The following WRAP53 variants were observed in gnomAD, a reference collection of about 807,000 sequenced individuals.
WRAP53 encodes the protein telomerase Cajal body protein 1.
WRAP53 carries 28 observed loss-of-function variants against 56.6 expected under a neutral mutation model. The ratio of observed to expected loss-of-function variants is 0.50; its 90% CI spans 0.37 to 0.68. The LOEUF is 0.68. WRAP53 is among the 30% of genes least tolerant of loss of function. The probability of loss-of-function intolerance (pLI) is 0.00; values close to 1 mark genes in which losing one functional copy is unlikely to be tolerated. For missense variants in WRAP53, 671 were observed against 715.5 expected (o/e 0.94, Z 0.71); for synonymous variants, 283 against 283.4 (o/e 1.00, Z 0.01).
At chr17:7,689,191 A>C (rs1472309007) in intron 2 of WRAP53, 33 bp from the exon 3 acceptor site, 1 of 1,613,398 alleles carries the variant, frequency 6.2e-7, no homozygotes. Flanking sequence ...TTGCTTGGCG[A>C]CCCAGGTTTA....
intron 4 of WRAP53, among the ~76,000 whole-genome samples, chr17:7,700,485 TA>T (rs374902947): frequency 3.0e-4 from 42 of 141,162 alleles, no homozygotes; most frequent in African/African-American, 4.1e-4. Context: ...CTGTCTCTAT[TA>T]AAAAAAAAAA....
At chr17:7,691,392 GTT>G (rs1196160781) in intron 4 of WRAP53, among the ~76,000 whole-genome samples, 7 of 138,966 alleles carry the variant, frequency 5.0e-5, no homozygotes, top group Admixed American at 7.2e-5. Context: ...TGAGAGAGGT[GTT>G]TTTTTTTTTT....
rs910811993 is a variant in WRAP53 at position 7,702,945 on chromosome 17, G to A, written c.1269-48G>A. On this transcript the variant is annotated intron_variant, in intron 9 of 10. Coordinates refer to ENST00000396463, the MANE Select transcript of WRAP53 (RefSeq NM_001143992.2). This position sits in a 1 kb window ranked among gnomAD's most constrained non-coding sequence, Gnocchi z 5.0. The stretch of plus-strand genomic sequence containing the variant: ...CAGTCCCTGGGTGTGAGGGGTTCCT[G>A]CCCCAGGGGTGAGGCCTCTGCCAGC... 6.2e-7 allele frequency: 1 copy of A among 1,612,840 alleles called. No individual in the cohort carries two copies. The highest frequency in any genetic ancestry group is 2.2e-5 in the East Asian group (1 of 44,882).
chr17:7,691,700 A>G (rs1180604962), intron 4 of WRAP53, among the ~76,000 whole-genome samples: 1 of 148,516 alleles, frequency 6.7e-6, no homozygotes, highest in Non-Finnish European at 1.5e-5. Flanking sequence ...TAATTTTTGT[A>G]TTTTTAGTAG....
chr17:7,686,642 TCCGGCAAAAAGAAA>T (rs930670150), upstream of WRAP53: 1 of 152,230 alleles, frequency 6.6e-6, no homozygotes, highest in African/African-American at 2.4e-5. Flanking sequence ...AGTGAGCTGC[TCCGGCAAAAAGAAA>T]CCGGAAATGC....
rs375280065 is a variant in WRAP53 at position 7,701,694 on chromosome 17, C to T, written c.860C>T (p.Pro287Leu). ...LTAAHSLCFS[P>L]DGSQLFCGFN... ...GCAGCCCATTCGCTCTGCTTCTCCC[C>T]GGATGGCTCCCAGCTCTTCTGTGGC... The change falls in exon 7 of 11, where the codon CCG (proline) becomes CTG (leucine). Residue 287 changes from proline to leucine, a missense_variant. Physicochemically the swap from Pro to Leu is moderately conservative, Grantham distance 98 (BLOSUM62 -3). This residue lies in a region of WRAP53 where 406 missense variants were observed against 418.5 expected (regional missense o/e 0.97). Transcript: ENST00000396463. This position sits in a 1 kb window ranked among gnomAD's most constrained non-coding sequence, Gnocchi z 4.2. 1.4e-5 allele frequency: 23 copies of T among 1,614,112 alleles called. No individual in the cohort carries two copies. In the East Asian group the frequency reaches 3.3e-4, roughly 23 times the overall value.
chr17:7,691,642 G>A (rs749387106), intron 4 of WRAP53, among the ~76,000 whole-genome samples: 6 of 151,892 alleles, frequency 4.0e-5, no homozygotes, highest in Non-Finnish European at 8.8e-5. Context: ...CGCCGGTCTC[G>A]GCCTCCCAAA....
At chr17:7,699,437 AATT>A (rs2074228113) in intron 4 of WRAP53, among the ~76,000 whole-genome samples, 1 of 91,172 alleles carries the variant, frequency 1.1e-5, no homozygotes. Context: ...AAAAAAAAAA[AATT>A]TATATATATA....
chr17:7,699,869 G>T (rs1002108155), intron 4 of WRAP53, among the ~76,000 whole-genome samples: 2 of 151,262 alleles, frequency 1.3e-5, no homozygotes, highest in African/African-American at 4.9e-5. Flanking sequence ...CTAGTAGCTG[G>T]GACTACAGGC....
intron 5 of WRAP53, 69 bp downstream of exon 5, chr17:7,700,898 C>A: frequency 8.4e-7 from 1 of 1,185,886 alleles, no homozygotes; most frequent in Non-Finnish European, 1.3e-6. Context: ...TTGGGAGAGT[C>A]AAGGGCTGCC....
At chr17:7,687,562 G>C, upstream of WRAP53, 1 of 398,736 alleles carries the variant, frequency 2.5e-6, no homozygotes, top group Non-Finnish European at 4.4e-6. Context: ...ACCCCTGCGA[G>C]GCTCCTGGCA....
rs1474742733 is a variant in WRAP53, at chr17:7,702,580, G to A, written c.1164+28G>A. 2.5e-6 allele frequency: 4 copies of A among 1,600,780 alleles called. No individual in the cohort carries two copies. On this transcript the variant is annotated intron_variant, in intron 8 of 10. Coordinates refer to ENST00000396463, the MANE Select transcript of WRAP53 (RefSeq NM_001143992.2). This position sits in a 1 kb window ranked among gnomAD's most constrained non-coding sequence, Gnocchi z 5.0. Reference sequence around the variant, plus strand: ...AGGGGTCACACCCTGAGAGCCCAAAGCAGCTGGGCAGCGGGGCAGGAGCAG... The same window carrying A: ...AGGGGTCACACCCTGAGAGCCCAAAACAGCTGGGCAGCGGGGCAGGAGCAG...
At chr17:7,688,418 G>A (rs1481819363), upstream of WRAP53, 3 of 574,774 alleles carry the variant, frequency 5.2e-6, no homozygotes, top group African/African-American at 5.6e-5. Context: ...CAATCGGAAG[G>A]TGGACCGAAA....
rs8071451 is a variant in WRAP53, at chr17:7,701,459, C to T, written c.732C>T (p.Tyr244=). The change falls in exon 6 of 11, where the codon TAC becomes TAT. Residue 244 remains tyrosine (Y), a splice_region_variant and synonymous_variant. Transcript: ENST00000396463. The surrounding 1 kb of genome is among the most constrained non-coding windows in gnomAD (Gnocchi z 4.2). The part of the protein sequence containing the change: ...LMSSAQPDTS[Y]VASSSRENPI... ...GTTTCAGTGTCCATGTCTCTCTCAG[C>T]GTGGCCAGCAGCAGCCGGGAGAACC... is the stretch of plus-strand genomic sequence containing the variant. The T allele has an allele frequency of 1.2e-4, 190 of 1,614,210 alleles. 2 individuals carry two copies. The African/African-American group carries it at 1.7e-3, about 14-fold the overall frequency.
At chr17:7,699,116 T>C (rs756775037) in intron 4 of WRAP53, among the ~76,000 whole-genome samples, 11 of 151,200 alleles carry the variant, frequency 7.3e-5, no homozygotes, top group Non-Finnish European at 1.3e-4. Flanking sequence ...ACTGTTTTTT[T>C]TCCCATATGA....
At position 7,701,952 on chromosome 17, in the gene WRAP53, C is replaced by A; in HGVS notation, c.955+163C>A. Reference sequence around the variant, plus strand: ...GGCAGAGGAGCAAACAGGCTCAGAGCAGGTAGGAAACCTTCCCAAGGCCAA... The same window carrying A: ...GGCAGAGGAGCAAACAGGCTCAGAGAAGGTAGGAAACCTTCCCAAGGCCAA... On this transcript the variant is annotated intron_variant, in intron 7 of 10. Transcript: ENST00000396463. This position sits in a 1 kb window ranked among gnomAD's most constrained non-coding sequence, Gnocchi z 4.2. 1.6e-6 allele frequency: 2 copies of A among 1,258,600 alleles called. No homozygotes were observed. Among genetic ancestry groups the A allele is most frequent in the Non-Finnish European group, 1.1e-6 (1 of 893,880 alleles). The allele number at this position is 1,258,600 out of a possible 1,614,324, so 78.0% of individuals were successfully genotyped here.
chr17:7,697,896 C>A (rs1441734204), intron 4 of WRAP53, among the ~76,000 whole-genome samples: 5 of 146,676 alleles, frequency 3.4e-5, no homozygotes, highest in South Asian at 2.1e-4. Context: ...GAGACAGGAT[C>A]TTGTTCTGTT....
At chr17:7,699,897 G>T (rs1330915525) in intron 4 of WRAP53, among the ~76,000 whole-genome samples, 1 of 151,522 alleles carries the variant, frequency 6.6e-6, no homozygotes, top group East Asian at 1.9e-4. Context: ...ACCATGCCCA[G>T]CTAATTTTTT....
chr17:7,699,839 A>G (rs1334148619), intron 4 of WRAP53, among the ~76,000 whole-genome samples: 4 of 150,932 alleles, frequency 2.7e-5, no homozygotes, highest in Non-Finnish European at 5.9e-5. Context: ...GGCTCAAGCA[A>G]TTCTCATGCC....
Sources: allele counts gnomAD v4.1 joint callset (sites outside exome capture counted in the v4.1 genomes callset), GRCh38; gene constraint gnomAD v4.1.1; regional missense constraint gnomAD v4.1.1; non-coding constraint Gnocchi (gnomAD v3.1); transcripts MANE v1.5; gene names NCBI Gene and HGNC (gene_info 2026-07-23, HGNC 2026-07-21).